CTNND2: variants seen among roughly 807,000 people sequenced by gnomAD.
The protein encoded by CTNND2 is catenin delta 2, also known as catenin delta-2.
A neutral mutation model predicts 144.4 loss-of-function variants in CTNND2; 22 were observed. That is an observed-to-expected ratio of 0.15 (90% CI 0.11 to 0.22). CTNND2 has a LOEUF of 0.22. Ranked by LOEUF, CTNND2 falls within the 10% of genes least tolerant of loss-of-function variation. The pLI is 1.00. For synonymous variants in CTNND2, 751 were observed against 695.6 expected, an observed-to-expected ratio of 1.08 and a Z score of -1.25; for missense variants, 1,353 against 1,618.8, an observed-to-expected ratio of 0.84 and a Z score of 2.82.
chr5:11,892,266 C>T (rs2127099734), intron 1 of CTNND2, among the ~76,000 whole-genome samples: 1 of 152,282 alleles, frequency 6.6e-6, no homozygotes, highest in East Asian at 1.9e-4. Context: ...CATATAGCAC[C>T]AGTGCTGATA....
intron 3 of CTNND2, among the ~76,000 whole-genome samples, chr5:11,526,561 A>G (rs770546732): frequency 6.6e-6 from 1 of 152,168 alleles, no homozygotes; most frequent in Non-Finnish European, 1.5e-5. Flanking sequence ...CACGCCAGCC[A>G]CCACTTGCTA....
intron 3 of CTNND2, among the ~76,000 whole-genome samples, chr5:11,522,626 G>T (rs1021037560): frequency 3.9e-5 from 6 of 152,164 alleles, no homozygotes; most frequent in African/African-American, 1.4e-4. Context: ...GACCTTCTCT[G>T]TGTAAATTGA....
intron 3 of CTNND2, among the ~76,000 whole-genome samples, chr5:11,457,040 G>A (rs1765790657): frequency 6.6e-6 from 1 of 152,170 alleles, no homozygotes; most frequent in Non-Finnish European, 1.5e-5. Flanking sequence ...TTGGTGTCAA[G>A]CACTCTCTTA....
chr5:11,830,156 C>T (rs1934645315), intron 1 of CTNND2, among the ~76,000 whole-genome samples: 1 of 152,168 alleles, frequency 6.6e-6, no homozygotes, highest in Non-Finnish European at 1.5e-5. Context: ...CTTACGGGCT[C>T]ACAGGCAGAA....
chr5:11,509,299 T>A (rs780818940), intron 3 of CTNND2, among the ~76,000 whole-genome samples: 2 of 152,160 alleles, frequency 1.3e-5, no homozygotes, highest in African/African-American at 2.4e-5. Flanking sequence ...TTTAGACTTA[T>A]AAAAGGTGCC....
chr5:11,710,539 C>CAAAAA (rs1197887467), intron 2 of CTNND2, among the ~76,000 whole-genome samples: 1 of 68,780 alleles, frequency 1.5e-5, no homozygotes, highest in Admixed American at 1.8e-4. Context: ...GACTCCATCT[C>CAAAAA]AAAAAAAAAA....
chr5:11,191,518 C>T (rs1736239178), intron 11 of CTNND2, among the ~76,000 whole-genome samples: 1 of 152,182 alleles, frequency 6.6e-6, no homozygotes, highest in Admixed American at 6.5e-5. Flanking sequence ...ACTATGCTTC[C>T]CAGGATTTCC....
At chr5:11,670,973 G>A (rs1271923284) in intron 2 of CTNND2, among the ~76,000 whole-genome samples, 1 of 152,106 alleles carries the variant, frequency 6.6e-6, no homozygotes, top group Non-Finnish European at 1.5e-5. Flanking sequence ...CAGGTCTGGT[G>A]GTGACAAAAT....
At chr5:11,358,479 T>A (rs891149215) in intron 8 of CTNND2, among the ~76,000 whole-genome samples, 6 of 152,224 alleles carry the variant, frequency 3.9e-5, no homozygotes, top group Non-Finnish European at 7.3e-5. Flanking sequence ...TTTTAACTAA[T>A]AGGTTATAGA....
chr5:11,858,146 CTT>C (rs767906906), intron 1 of CTNND2, among the ~76,000 whole-genome samples: 11 of 152,198 alleles, frequency 7.2e-5, no homozygotes, highest in African/African-American at 1.2e-4. Flanking sequence ...ATTTTTCACT[CTT>C]GTTTCCCTCC....
intron 13 of CTNND2, among the ~76,000 whole-genome samples, chr5:11,111,455 G>A (rs1752972339): frequency 1.3e-5 from 2 of 152,238 alleles, no homozygotes; most frequent in African/African-American, 4.8e-5. Context: ...AGCTCTGGTG[G>A]GGGGCATATT....
At chr5:11,861,382 T>G (rs1196400341) in intron 1 of CTNND2, among the ~76,000 whole-genome samples, 2 of 152,204 alleles carry the variant, frequency 1.3e-5, no homozygotes, top group Non-Finnish European at 2.9e-5. Context: ...CATTTTCTCC[T>G]CTATCAGTGA....
Position 11,652,500 on chromosome 5 carries a change from AT to A in CTNND2, c.174+79635del, listed in dbSNP as rs1782694742. ...TCAAATAATTTATAAATTTCCAGCT[AT>A]TTATATTGTATTGACATTTGTGAAT... On this transcript the variant is annotated intron_variant, in intron 2 of 21. Coordinates refer to ENST00000304623, the MANE Select transcript of CTNND2 (RefSeq NM_001332.4). Among the ~76,000 whole-genome samples, 9 of 152,274 alleles carry A rather than the reference AT, an allele frequency of 5.9e-5. 1 individual carries two copies. The highest frequency in any genetic ancestry group is 1.2e-4 in the Non-Finnish European group (8 of 68,016).
intron 3 of CTNND2, among the ~76,000 whole-genome samples, chr5:11,554,734 A>G (rs1343419126): frequency 6.6e-6 from 1 of 152,108 alleles, no homozygotes; most frequent in East Asian, 1.9e-4. Context: ...ATGAGACTAA[A>G]TCAACCATAG....
intron 2 of CTNND2, among the ~76,000 whole-genome samples, chr5:11,611,547 G>A (rs1254485966): frequency 6.6e-6 from 1 of 152,154 alleles, no homozygotes; most frequent in Non-Finnish European, 1.5e-5. Context: ...GGAGGCAGAG[G>A]CAGGTGGATT....
At chr5:11,231,254 T>C (rs1740979506) in intron 10 of CTNND2, among the ~76,000 whole-genome samples, 1 of 152,134 alleles carries the variant, frequency 6.6e-6, no homozygotes, top group Non-Finnish European at 1.5e-5. Context: ...TTGAGTAGAT[T>C]GGTACCAGGA....
At chr5:11,178,182 G>C (rs961731412) in intron 11 of CTNND2, among the ~76,000 whole-genome samples, 1 of 152,132 alleles carries the variant, frequency 6.6e-6, no homozygotes, top group Non-Finnish European at 1.5e-5. Flanking sequence ...TGTCACCCAT[G>C]ATGACTCACA....
chr5:11,178,325 C>T (rs1438695456), intron 11 of CTNND2, among the ~76,000 whole-genome samples: 2 of 152,182 alleles, frequency 1.3e-5, no homozygotes, highest in Non-Finnish European at 2.9e-5. Flanking sequence ...TTGAGGAATA[C>T]TCTTGAAGCC....
chr5:11,328,411 G>A (rs571527359), intron 9 of CTNND2, among the ~76,000 whole-genome samples: 44 of 151,382 alleles, frequency 2.9e-4, no homozygotes, highest in African/African-American at 9.5e-4. Flanking sequence ...CTCCTACCTC[G>A]GCCTCTGGAG....
Sources: allele counts gnomAD v4.1 joint callset (sites outside exome capture counted in the v4.1 genomes callset), GRCh38; gene constraint gnomAD v4.1.1; transcripts MANE v1.5; gene names NCBI Gene and HGNC (gene_info 2026-07-23, HGNC 2026-07-21).